Variants in CSNK1D observed in about 807,000 individuals in gnomAD.
The protein encoded by CSNK1D is casein kinase 1 delta.
In CSNK1D, 16 loss-of-function variants were observed where a neutral mutation model predicts 46.6. That is an observed-to-expected ratio of 0.34 (90% CI 0.23 to 0.52). The LOEUF is 0.52. Among genes scored for constraint, CSNK1D ranks in the 20% least tolerant of loss-of-function variants. The probability of loss-of-function intolerance (pLI) is 0.95; values close to 1 mark genes in which losing one functional copy is unlikely to be tolerated. For missense variants in CSNK1D, 398 were observed against 578.4 expected (o/e 0.69, Z 3.20); for synonymous variants, 276 against 228.2 (o/e 1.21, Z -1.89).
In CSNK1D at chr17:82,249,798, C is replaced by G; in HGVS notation, c.886-196G>C. 1 of 1,441,310 alleles carries G rather than the reference C, an allele frequency of 6.9e-7. No homozygotes were observed. Among genetic ancestry groups the G allele is most frequent in the Non-Finnish European group, 9.1e-7 (1 of 1,101,708 alleles). The allele number at this position is 1,441,310 out of a possible 1,614,324, so 89.3% of individuals were successfully genotyped here. ...ATCCCCACAAGGGGTCAGAGCCAGG[C>G]CTCTCAGCTCCCCCAACAATCGAAA... On this transcript the variant is annotated intron_variant, in intron 6 of 8. Coordinates refer to ENST00000314028, the MANE Select transcript of CSNK1D (RefSeq NM_001893.6). This position sits in a 1 kb window ranked among gnomAD's most constrained non-coding sequence, Gnocchi z 6.7.
Position 82,243,707 on chromosome 17 carries a change from C to T in CSNK1D, c.*1074G>A. 3 of 985,486 alleles carry T rather than the reference C, an allele frequency of 3.0e-6. No individual in the cohort carries two copies. Among genetic ancestry groups the T allele is most frequent in the Non-Finnish European group, 3.6e-6 (3 of 829,960 alleles). The allele number at this position is 985,486 out of a possible 1,614,324, so 61.0% of individuals were successfully genotyped here. A position where few individuals can be genotyped will look rare whatever the true frequency, so the allele number is the denominator to read the frequency against. ...GTCTTGGCACGTGGCAAGGACAGCC[C>T]CGCTCCTGGTTTTAAGCACAGGCAT... On this transcript the variant is annotated 3_prime_UTR_variant, in exon 9 of 9. Coordinates refer to ENST00000314028, the MANE Select transcript of CSNK1D (RefSeq NM_001893.6).
rs531614835 is a variant in CSNK1D at position 82,244,686 on chromosome 17, G to T, written c.*95C>A. Reference sequence around the variant, plus strand: ...GGAGAGCTCCCGGTGTTAACATTTCGATCCTAGACCGGGGGACGTGTCACT... The same window carrying T: ...GGAGAGCTCCCGGTGTTAACATTTCTATCCTAGACCGGGGGACGTGTCACT... On this transcript the variant is annotated 3_prime_UTR_variant, in exon 9 of 9. Transcript: ENST00000314028. 2 of 1,599,944 alleles carry T rather than the reference G, an allele frequency of 1.3e-6. No individual in the cohort carries two copies. The highest frequency in any genetic ancestry group is 8.5e-7 in the Non-Finnish European group (1 of 1,176,112).
downstream of CSNK1D, among the ~76,000 whole-genome samples, chr17:82,241,397 C>CT (rs1421115956): frequency 6.6e-6 from 1 of 152,246 alleles, no homozygotes; most frequent in Admixed American, 6.5e-5. Flanking sequence ...TTTTCAGCGT[C>CT]TAAACCATGC....
chr17:82,255,310 C>G lies in CSNK1D; in HGVS notation c.336+119G>C, dbSNP rs2051149497. 9 of 1,269,988 alleles carry G rather than the reference C, an allele frequency of 7.1e-6. No homozygotes were observed. Among genetic ancestry groups the G allele is most frequent in the Non-Finnish European group, 8.0e-6 (7 of 877,044 alleles). The allele number at this position is 1,269,988 out of a possible 1,614,324, so 78.7% of individuals were successfully genotyped here. A position where few individuals can be genotyped will look rare whatever the true frequency, so the allele number is the denominator to read the frequency against. On this transcript the variant is annotated intron_variant, in intron 3 of 8. Transcript: ENST00000314028. The surrounding 1 kb of genome is among the most constrained non-coding windows in gnomAD (Gnocchi z 5.9). Reference sequence around the variant, plus strand: ...CCACTGCAGCCTCAAGGCTGAGGCTCAGCAAATTTCCATTTCCTCTGTGAA... The same window carrying G: ...CCACTGCAGCCTCAAGGCTGAGGCTGAGCAAATTTCCATTTCCTCTGTGAA...
downstream of CSNK1D, among the ~76,000 whole-genome samples, chr17:82,241,893 C>T (rs571218988): frequency 4.6e-5 from 7 of 152,344 alleles, no homozygotes; most frequent in African/African-American, 7.2e-5. Context: ...GGGACAGCCC[C>T]GGAACGTGGG....
Position 82,255,583 on chromosome 17 carries a change from C to G in CSNK1D, c.188-6G>C, listed in dbSNP as rs1241399819. The G allele has an allele frequency of 6.2e-6, 10 of 1,614,008 alleles. No individual in the cohort carries two copies. Among genetic ancestry groups the G allele is most frequent in the Non-Finnish European group, 8.5e-6 (10 of 1,180,032 alleles). Reference sequence around the variant, plus strand: ...TCTGATGGTGGGGATGCCCACTAGGCAAGGAAATCAGACACAGTGTTTCAG... The same window carrying G: ...TCTGATGGTGGGGATGCCCACTAGGGAAGGAAATCAGACACAGTGTTTCAG... On this transcript the variant is annotated splice_polypyrimidine_tract_variant and splice_region_variant and intron_variant, in intron 2 of 8. Coordinates refer to ENST00000314028, the MANE Select transcript of CSNK1D (RefSeq NM_001893.6). The surrounding 1 kb of genome is among the most constrained non-coding windows in gnomAD (Gnocchi z 5.9).
chr17:82,250,106 C>A lies in CSNK1D; in HGVS notation c.886-504G>T, dbSNP rs564285783. On this transcript the variant is annotated intron_variant, in intron 6 of 8. Transcript: ENST00000314028. This position sits in a 1 kb window ranked among gnomAD's most constrained non-coding sequence, Gnocchi z 4.6. ...CAGGTGTGGTGGCGTGGCCAGCAGC[C>A]GGCAGCCGGATCTGTGCTGCACTAT... 5 of 1,290,136 alleles carry A rather than the reference C, an allele frequency of 3.9e-6. No homozygotes were observed. Among genetic ancestry groups the A allele is most frequent in the Admixed American group, 2.3e-5 (1 of 43,536 alleles). The allele number at this position is 1,290,136 out of a possible 1,614,324, so 79.9% of individuals were successfully genotyped here. A position where few individuals can be genotyped will look rare whatever the true frequency, so the allele number is the denominator to read the frequency against.
intron 1 of CSNK1D, among the ~76,000 whole-genome samples, chr17:82,271,613 A>C (rs903357468): frequency 3.3e-5 from 5 of 152,208 alleles, no homozygotes; most frequent in African/African-American, 1.2e-4. Context: ...GCAGTCCACT[A>C]AGGCATATGT....
At chr17:82,260,528 CTGA>C (rs1352650499) in intron 2 of CSNK1D, among the ~76,000 whole-genome samples, 1 of 150,356 alleles carries the variant, frequency 6.7e-6, no homozygotes, top group African/African-American at 2.5e-5. Flanking sequence ...AGTGATGTGA[CTGA>C]TGGTGTACTG....
chr17:82,269,043 G>A (rs2051549731), intron 1 of CSNK1D, among the ~76,000 whole-genome samples: 1 of 149,898 alleles, frequency 6.7e-6, no homozygotes, highest in African/African-American at 2.5e-5. Flanking sequence ...GTTGCAGTGA[G>A]CTGAGATCGC....
At chr17:82,263,028 A>C (rs547154867) in intron 2 of CSNK1D, among the ~76,000 whole-genome samples, 2 of 152,216 alleles carry the variant, frequency 1.3e-5, no homozygotes, top group African/African-American at 4.8e-5. Flanking sequence ...AAAAATACAA[A>C]AATTAGCCAG....
chr17:82,246,910 T>G (rs1490839470), intron 8 of CSNK1D: 1 of 985,468 alleles, frequency 1.0e-6, no homozygotes. Flanking sequence ...TCAGAGCAAT[T>G]GAGCCTCCTG....
At position 82,244,483 on chromosome 17, in the gene CSNK1D, G is replaced by T; in HGVS notation, c.*298C>A. 7.2e-7 allele frequency: 1 copy of T among 1,384,026 alleles called. No homozygotes were observed. The highest frequency in any genetic ancestry group is 1.5e-5 in the South Asian group (1 of 67,190). The allele number at this position is 1,384,026 out of a possible 1,614,324, so 85.7% of individuals were successfully genotyped here. A position where few individuals can be genotyped will look rare whatever the true frequency, so the allele number is the denominator to read the frequency against. On this transcript the variant is annotated 3_prime_UTR_variant, in exon 9 of 9. Coordinates refer to ENST00000314028, the MANE Select transcript of CSNK1D (RefSeq NM_001893.6). ...GGAGTACAGGGCGGCCACCACTGGA[G>T]GGAGCTGAGGCCCTGGAAAAGGAGT... is the stretch of plus-strand genomic sequence containing the variant.
Position 82,273,229 on chromosome 17 carries a change from C to T in CSNK1D, c.76+77G>A, listed in dbSNP as rs936804504. On this transcript the variant is annotated intron_variant, in intron 1 of 8. Transcript: ENST00000314028. This position sits in a 1 kb window ranked among gnomAD's most constrained non-coding sequence, Gnocchi z 5.1. ...GAGACCCCGCGGGGGCCACCACTTC[C>T]TTCCGCGATCGCGCTTGGTCTTGGC... 3.4e-6 allele frequency: 5 copies of T among 1,450,894 alleles called. No individual in the cohort carries two copies. Among genetic ancestry groups the T allele is most frequent in the Middle Eastern group, 2.4e-4 (1 of 4,248 alleles). 89.9% of individuals were successfully genotyped at this position (1,450,894 alleles called of 1,614,324 possible).
rs915712930 is a variant in CSNK1D, at chr17:82,250,623, G to GTGCAC, written c.885+751_885+755dup. On this transcript the variant is annotated intron_variant, in intron 6 of 8. Transcript: ENST00000314028. The surrounding 1 kb of genome is among the most constrained non-coding windows in gnomAD (Gnocchi z 4.6). ...TGGCAAGTAAGTCAAGATGAACAGA[G>GTGCAC]TGCACCCCTCCCAGCATCTGGAGAC... The GTGCAC allele has an allele frequency of 2.1e-5, 4 of 186,938 alleles. No individual in the cohort carries two copies. The highest frequency in any genetic ancestry group is 9.5e-5 in the African/African-American group (4 of 42,302). 11.6% of individuals were successfully genotyped at this position (186,938 alleles called of 1,614,324 possible). A position where few individuals can be genotyped will look rare whatever the true frequency, so the allele number is the denominator to read the frequency against.
rs1359016883 is a variant in CSNK1D at position 82,249,518 on chromosome 17, G to A, written c.970C>T (p.Arg324Cys). ...CCGGAGGCTGTGGAAGGGAGGCCGC[G>A]GGTAGCCGGGTTCCGCGAGTGTCTC... The part of the protein sequence containing the change: ...RLRHSRNPAT[R>C]GLPSTASGRL... The change falls in exon 7 of 9, where the codon CGC becomes TGC. Residue 324 changes from arginine (R) to cysteine (C), a missense_variant. Physicochemically the swap from Arg to Cys is radical, Grantham distance 180. This residue lies in a region of CSNK1D where 181 missense variants were observed against 208.0 expected (regional missense o/e 0.87). Coordinates refer to ENST00000314028, the MANE Select transcript of CSNK1D (RefSeq NM_001893.6). This position sits in a 1 kb window ranked among gnomAD's most constrained non-coding sequence, Gnocchi z 6.7. 13 of 1,544,664 alleles carry A rather than the reference G, an allele frequency of 8.4e-6. No individual in the cohort carries two copies. The highest frequency in any genetic ancestry group is 4.2e-4 in the Middle Eastern group (2 of 4,810).
rs1003764784 is a variant in CSNK1D at position 82,252,376 on chromosome 17, C to T, written c.736+58G>A. 6.2e-5 allele frequency: 99 copies of T among 1,595,522 alleles called. No homozygotes were observed. The highest frequency in any genetic ancestry group is 1.8e-4 in the Middle Eastern group (1 of 5,436). On this transcript the variant is annotated intron_variant, in intron 5 of 8. Coordinates refer to ENST00000314028, the MANE Select transcript of CSNK1D (RefSeq NM_001893.6). This position sits in a 1 kb window ranked among gnomAD's most constrained non-coding sequence, Gnocchi z 4.6. The stretch of plus-strand genomic sequence containing the variant: ...CCAGACTGAGCCGTCTCGGCACACC[C>T]GACACATATGCAACCCCTGTGAGCA...
chr17:82,271,273 G>A (rs1273699157), intron 1 of CSNK1D, among the ~76,000 whole-genome samples: 2 of 151,984 alleles, frequency 1.3e-5, no homozygotes, highest in African/African-American at 4.8e-5. Context: ...ATGGGGTTTC[G>A]CCACTTTGGC....
In CSNK1D at chr17:82,244,290, G is replaced by A. The variant is rs908154024; in HGVS notation, c.*491C>T. 4 of 1,104,782 alleles carry A rather than the reference G, an allele frequency of 3.6e-6. No individual in the cohort carries two copies. Among genetic ancestry groups the A allele is most frequent in the South Asian group, 2.3e-5 (1 of 42,706 alleles). 68.4% of individuals were successfully genotyped at this position (1,104,782 alleles called of 1,614,324 possible). A position where few individuals can be genotyped will look rare whatever the true frequency, so the allele number is the denominator to read the frequency against. On this transcript the variant is annotated 3_prime_UTR_variant, in exon 9 of 9. Coordinates refer to ENST00000314028, the MANE Select transcript of CSNK1D (RefSeq NM_001893.6). ...TCATACACTAACTCCAAGCCAGCCT[G>A]TCTCAGAATTCCTTAGTCAACATTT...
Sources: allele counts gnomAD v4.1 joint callset (sites outside exome capture counted in the v4.1 genomes callset), GRCh38; gene constraint gnomAD v4.1.1; regional missense constraint gnomAD v4.1.1; non-coding constraint Gnocchi (gnomAD v3.1); transcripts MANE v1.5; gene names NCBI Gene and HGNC (gene_info 2026-07-23, HGNC 2026-07-21).